ZNF528: variants seen among roughly 807,000 people sequenced by gnomAD.
ZNF528 encodes the protein zinc finger protein 528.
Under a neutral mutation model 13.3 loss-of-function variants are expected in ZNF528, and 9 were observed. The ratio of observed to expected loss-of-function variants is 0.67; its 90% CI spans 0.41 to 1.18. The LOEUF is 1.18. Among genes scored for constraint, ZNF528 ranks in the 50% most tolerant of loss-of-function variants. The pLI is 0.01. For synonymous variants in ZNF528, 264 were observed against 254.3 expected (o/e 1.04, Z -0.36); for missense variants, 858 against 745.4 (o/e 1.15, Z -1.76).
chr19:52,410,769 A>C (rs1438317553), intron 6 of ZNF528, among the ~76,000 whole-genome samples: 2 of 152,186 alleles, frequency 1.3e-5, no homozygotes, highest in Non-Finnish European at 2.9e-5. Flanking sequence ...TTGCTCTATA[A>C]GCTATAATTC....
intron 5 of ZNF528, among the ~76,000 whole-genome samples, chr19:52,406,271 A>G (rs2058855134): frequency 6.6e-6 from 1 of 152,178 alleles, no homozygotes; most frequent in Admixed American, 6.5e-5. Flanking sequence ...AAACCTTATG[A>G]CAAACTTTAA....
rs755537397 is a variant in ZNF528 at position 52,401,750 on chromosome 19, C to T, written c.-71C>T. On this transcript the variant is annotated 5_prime_UTR_variant, in exon 3 of 7. The change creates a new upstream start codon in the 5' untranslated region. Transcript: ENST00000360465. ...TCTCAGAAGGAATCCACTCAACAGA[C>T]GAGGTACCTTAACCACATAATGGTT... is the stretch of plus-strand genomic sequence containing the variant. 75 of 1,435,112 alleles carry T rather than the reference C, an allele frequency of 5.2e-5. No homozygotes were observed. The highest frequency in any genetic ancestry group is 6.4e-5 in the Non-Finnish European group (69 of 1,086,584). The allele number at this position is 1,435,112 out of a possible 1,614,324, so 88.9% of individuals were successfully genotyped here. A position where few individuals can be genotyped will look rare whatever the true frequency, so the allele number is the denominator to read the frequency against.
intron 6 of ZNF528, among the ~76,000 whole-genome samples, chr19:52,409,827 T>C (rs1428177508): frequency 1.3e-5 from 2 of 152,088 alleles, no homozygotes; most frequent in Non-Finnish European, 2.9e-5. Context: ...AGCAATTCTC[T>C]TGTCTTAGCC....
chr19:52,405,075 G>A (rs1401494851), intron 4 of ZNF528, among the ~76,000 whole-genome samples: 3 of 151,876 alleles, frequency 2.0e-5, no homozygotes, highest in Non-Finnish European at 4.4e-5. Context: ...AAATTAGCTG[G>A]TCGTGGTGGC....
intron 4 of ZNF528, among the ~76,000 whole-genome samples, chr19:52,404,917 A>C (rs1290441647): frequency 6.6e-6 from 1 of 151,798 alleles, no homozygotes; most frequent in Non-Finnish European, 1.5e-5. Flanking sequence ...GACCATTCTT[A>C]AAAACTACAA....
At chr19:52,405,779 ATACCTTAATATGGAT>A in intron 4 of ZNF528, 113 bp from the exon 5 acceptor site, 1 of 1,278,380 alleles carries the variant, frequency 7.8e-7, no homozygotes, top group Non-Finnish European at 1.1e-6. Flanking sequence ...TGGCTCAAGA[ATACCTTAATATGGAT>A]TTTTCACAGT....
rs1301630570 is a variant in ZNF528 at position 52,413,915 on chromosome 19, G to A, written c.272-1209G>A. Reference sequence around the variant, plus strand: ...TGTCCCAATTTTCCACATCAAGAGTGCCTGCCTGTGGAAACCATGGGCCAT... The same window carrying A: ...TGTCCCAATTTTCCACATCAAGAGTACCTGCCTGTGGAAACCATGGGCCAT... On this transcript the variant is annotated intron_variant, in intron 6 of 6. Coordinates refer to ENST00000360465, the MANE Select transcript of ZNF528 (RefSeq NM_032423.3). 9.5e-6 allele frequency: 3 copies of A among 316,634 alleles called. No individual in the cohort carries two copies. In the East Asian group the frequency reaches 2.0e-4, roughly 21 times the overall value. 19.6% of individuals were successfully genotyped at this position (316,634 alleles called of 1,614,324 possible). A position where few individuals can be genotyped will look rare whatever the true frequency, so the allele number is the denominator to read the frequency against.
In ZNF528 at chr19:52,416,388, G is replaced by C. The variant is rs149945049; in HGVS notation, c.1536G>C (p.Gln512His). The C allele has an allele frequency of 9.3e-6, 15 of 1,613,890 alleles. No homozygotes were observed. In the East Asian group the frequency reaches 1.6e-4, roughly 17 times the overall value. The change falls in exon 7 of 7, where the codon CAG becomes CAC. Residue 512 changes from glutamine to histidine, a missense_variant. Transcript: ENST00000360465. ...FSRSSNLVCH[Q>H]KIHTGEKPYK... ...GCAGTTCAAACCTGGTATGCCATCA[G>C]AAAATTCATACAGGAGAAAAGCCTT...
chr19:52,415,510 A>G lies in ZNF528; in HGVS notation c.658A>G (p.Lys220Glu). 2 of 1,614,196 alleles carry G rather than the reference A, an allele frequency of 1.2e-6. No individual in the cohort carries two copies. The highest frequency in any genetic ancestry group is 1.7e-6 in the Non-Finnish European group (2 of 1,180,028). ...TCCTTACAAATGCAGTGAATGTGGC[A>G]AGGTCTTTAGTTGCAGTTCAAAGCT... ...DNPYKCSECG[K>E]VFSCSSKLVI... The change falls in exon 7 of 7, where the codon AAG becomes GAG. Residue 220 changes from lysine to glutamate, a missense_variant. Physicochemically the swap from Lys to Glu is moderately conservative, Grantham distance 56. Transcript: ENST00000360465.
At position 52,401,978 on chromosome 19, in the gene ZNF528, G is replaced by A. The variant is rs773396015; in HGVS notation, c.-36G>A. 1 of 1,614,050 alleles carries A rather than the reference G, an allele frequency of 6.2e-7. No individual in the cohort carries two copies. Among genetic ancestry groups the A allele is most frequent in the Non-Finnish European group, 8.5e-7 (1 of 1,180,002 alleles). On this transcript the variant is annotated 5_prime_UTR_variant, in exon 4 of 7. Coordinates refer to ENST00000360465, the MANE Select transcript of ZNF528 (RefSeq NM_032423.3). ...CTTCCAAAGAGACATATTATGCAAG[G>A]AAGCAACTTGGAAGAGGAAAGAAAA...
intron 6 of ZNF528, chr19:52,406,883 G>A (rs1599825285): frequency 2.3e-6 from 1 of 431,302 alleles, no homozygotes; most frequent in Non-Finnish European, 3.9e-6. Flanking sequence ...GCAAATGGGA[G>A]AATTCTGTGG....
chr19:52,408,795 G>C (rs1028927482), intron 6 of ZNF528, among the ~76,000 whole-genome samples: 1 of 152,126 alleles, frequency 6.6e-6, no homozygotes, highest in Non-Finnish European at 1.5e-5. Context: ...CCGAACTCCT[G>C]ACCTCAGGTG....
rs113976054 is a variant in ZNF528 at position 52,417,126 on chromosome 19, A to G, written c.*387A>G. The G allele has an allele frequency of 8.2e-6, 2 of 243,262 alleles. No individual in the cohort carries two copies. Among genetic ancestry groups the G allele is most frequent in the African/African-American group, 4.6e-5 (2 of 43,760 alleles). The allele number at this position is 243,262 out of a possible 1,614,324, so 15.1% of individuals were successfully genotyped here. A position where few individuals can be genotyped will look rare whatever the true frequency, so the allele number is the denominator to read the frequency against. On this transcript the variant is annotated 3_prime_UTR_variant, in exon 7 of 7. Transcript: ENST00000360465. Reference sequence around the variant, plus strand: ...GTAAATGACCAGTTTTATTCAGGCTATAAAGCATTCAATTATTTGGGGCTT... The same window carrying G: ...GTAAATGACCAGTTTTATTCAGGCTGTAAAGCATTCAATTATTTGGGGCTT...
chr19:52,401,663 T>C (rs960536557), intron 2 of ZNF528, 22 bp from the exon 3 acceptor site: 7 of 194,510 alleles, frequency 3.6e-5, no homozygotes, highest in African/African-American at 2.3e-4. Context: ...GAAGAATTGC[T>C]TTTTTTTTTT....
intron 6 of ZNF528, chr19:52,413,973 G>A: frequency 2.2e-6 from 1 of 456,568 alleles, no homozygotes; most frequent in Admixed American, 3.5e-5. Context: ...CTTAATGTCT[G>A]TGAATTAACC....
rs1225687690 is a variant in ZNF528, at chr19:52,416,989, C to T, written c.*250C>T. The T allele has an allele frequency of 4.3e-6, 2 of 460,478 alleles. No homozygotes were observed. The highest frequency in any genetic ancestry group is 6.8e-5 in the East Asian group (2 of 29,408). 28.5% of individuals were successfully genotyped at this position (460,478 alleles called of 1,614,324 possible). ...ACGATAGGATTTACACAAGAAGTAA[C>T]TCTGTCTCTGGTTCTCTGATACTAA... On this transcript the variant is annotated 3_prime_UTR_variant, in exon 7 of 7. Coordinates refer to ENST00000360465, the MANE Select transcript of ZNF528 (RefSeq NM_032423.3).
In ZNF528 at chr19:52,406,597, A is replaced by G; in HGVS notation, c.225A>G (p.Ile75Met). The part of the protein sequence containing the change: ...DPWTLQSEEK[I>M]ANDPDGRECI... ...GGACTCTGCAGAGTGAAGAGAAAAT[A>G]GCAAACGATCCAGACGGCAGGGAGT... Residue 75 changes from isoleucine to methionine, a missense_variant, in exon 6 of 7, where the codon ATA becomes ATG. Ile to Met is a conservative substitution (Grantham distance 10). Coordinates refer to ENST00000360465, the MANE Select transcript of ZNF528 (RefSeq NM_032423.3). 2 of 1,614,172 alleles carry G rather than the reference A, an allele frequency of 1.2e-6. No homozygotes were observed. The highest frequency in any genetic ancestry group is 1.7e-6 in the Non-Finnish European group (2 of 1,180,014).
intron 3 of ZNF528, 72 bp downstream of exon 3, chr19:52,401,825 C>G: frequency 1.3e-6 from 2 of 1,519,558 alleles, no homozygotes; most frequent in Middle Eastern, 1.7e-4. Flanking sequence ...TAAATCAGAC[C>G]TATGTAGAAA....
At chr19:52,410,357 TGTCG>T (rs548665581) in intron 6 of ZNF528, among the ~76,000 whole-genome samples, 204 of 152,204 alleles carry the variant, frequency 1.3e-3, no homozygotes, top group African/African-American at 4.8e-3. Context: ...TGGGGGTGAT[TGTCG>T]GTCAGCGGCT....
Sources: gnomAD v4.1 joint callset for allele counts (sites outside exome capture counted in the v4.1 genomes callset) on GRCh38, gnomAD v4.1.1 for gene constraint, MANE v1.5 for transcripts, NCBI Gene and HGNC (gene_info 2026-07-23, HGNC 2026-07-21) for gene names.